Variants in SUSD4 observed in about 807,000 individuals in gnomAD.
SUSD4 encodes sushi domain containing 4.
SUSD4 carries 41 observed loss-of-function variants against 50.5 expected under a neutral mutation model. The ratio of observed to expected loss-of-function variants is 0.81; its 90% CI spans 0.63 to 1.05. The LOEUF is 1.05. SUSD4 is among the 50% of genes least tolerant of loss of function. The pLI is 0.00. For missense variants in SUSD4, 580 were observed against 634.7 expected (o/e 0.91, Z 0.93); for synonymous variants, 257 against 257.3 (o/e 1.00, Z 0.01).
chr1:223,233,492 A>G (rs1029946073), intron 5 of SUSD4, among the ~76,000 whole-genome samples: 1 of 152,170 alleles, frequency 6.6e-6, no homozygotes, highest in African/African-American at 2.4e-5. Flanking sequence ...TCGACTGAGT[A>G]CTGCTACTGT....
At chr1:223,339,818 C>T (rs552042095) in intron 2 of SUSD4, among the ~76,000 whole-genome samples, 1 of 152,192 alleles carries the variant, frequency 6.6e-6, no homozygotes, top group African/African-American at 2.4e-5. Context: ...GAAGGCTGGG[C>T]CCCGGCTCCC....
At position 223,227,792 on chromosome 1, in the gene SUSD4, C is replaced by T. The variant is rs1239668147; in HGVS notation, c.917-54G>A. The stretch of plus-strand genomic sequence containing the variant: ...GAGGCTCCCAGACCATGAGAGGTGC[C>T]GAGGTTCCCCGTGGGCTCATTTGCT... On this transcript the variant is annotated intron_variant, in intron 6 of 8. Coordinates refer to ENST00000366878, the MANE Select transcript of SUSD4 (RefSeq NM_017982.4). The surrounding 1 kb of genome is among the most constrained non-coding windows in gnomAD (Gnocchi z 4.5). 24 of 1,541,934 alleles carry T rather than the reference C, an allele frequency of 1.6e-5. No homozygotes were observed. Among genetic ancestry groups the T allele is most frequent in the Non-Finnish European group, 2.1e-5 (24 of 1,136,136 alleles).
At chr1:223,353,479 T>C (rs965177399) in intron 2 of SUSD4, among the ~76,000 whole-genome samples, 1 of 152,188 alleles carries the variant, frequency 6.6e-6, no homozygotes, top group Admixed American at 6.5e-5. Flanking sequence ...ACAAGTCTTA[T>C]GGCCCCTGAT....
chr1:223,352,077 C>T (rs576975209), intron 2 of SUSD4, among the ~76,000 whole-genome samples: 77 of 152,290 alleles, frequency 5.1e-4, no homozygotes, highest in African/African-American at 1.8e-3. Flanking sequence ...ATTAAAGCCC[C>T]TGTTAACCAC....
chr1:223,238,081 T>G (rs1660339598), intron 5 of SUSD4, among the ~76,000 whole-genome samples: 1 of 152,024 alleles, frequency 6.6e-6, no homozygotes. Flanking sequence ...TGGCAGATTG[T>G]GTCTTTCAAG....
In SUSD4 at chr1:223,227,454, A is replaced by G; in HGVS notation, c.1061+140T>C. On this transcript the variant is annotated intron_variant, in intron 7 of 8. Coordinates refer to ENST00000366878, the MANE Select transcript of SUSD4 (RefSeq NM_017982.4). This position sits in a 1 kb window ranked among gnomAD's most constrained non-coding sequence, Gnocchi z 4.5. ...GTCTGTCTCCAGCTTTGTGCTCAAAACATCCCAGAACATTGTTTTTGCTCT... is the reference window on the plus strand; with the variant it reads ...GTCTGTCTCCAGCTTTGTGCTCAAAGCATCCCAGAACATTGTTTTTGCTCT... 1 of 1,188,796 alleles carries G rather than the reference A, an allele frequency of 8.4e-7. No individual in the cohort carries two copies. Among genetic ancestry groups the G allele is most frequent in the Non-Finnish European group, 1.2e-6 (1 of 861,892 alleles). 73.6% of individuals were successfully genotyped at this position (1,188,796 alleles called of 1,614,324 possible).
rs1284428558 is a variant in SUSD4, at chr1:223,328,632, G to A, written c.148+34646C>T. 3.9e-5 allele frequency among the ~76,000 whole-genome samples: 6 copies of A among 152,238 alleles called. No homozygotes were observed. In the East Asian group the frequency reaches 7.7e-4, roughly 20 times the overall value. On this transcript the variant is annotated intron_variant, in intron 2 of 8. Coordinates refer to ENST00000366878, the MANE Select transcript of SUSD4 (RefSeq NM_017982.4). ...CTGTTGCCTCTGCCGCTCATCAAGC[G>A]CCTCCCAAGCCTCTCATTATTTCCC...
At chr1:223,334,881 T>C (rs948719490) in intron 2 of SUSD4, among the ~76,000 whole-genome samples, 6 of 152,120 alleles carry the variant, frequency 3.9e-5, no homozygotes, top group Non-Finnish European at 7.4e-5. Context: ...GTCCTACCCT[T>C]TCCCCCTGGG....
In SUSD4 at chr1:223,264,656, C is replaced by T. The variant is rs950934728; in HGVS notation, c.698G>A (p.Ser233Asn). 2.6e-5 allele frequency: 42 copies of T among 1,614,052 alleles called. No homozygotes were observed. The highest frequency in any genetic ancestry group is 3.4e-5 in the Non-Finnish European group (40 of 1,180,026). Reference sequence around the variant, plus strand: ...TTCCAGAGCAAGGCACCGGGGTGGGCTGGACGACCAGATAAGGTTTTGTAA... The same window carrying T: ...TTCCAGAGCAAGGCACCGGGGTGGGTTGGACGACCAGATAAGGTTTTGTAA... ...ECLQNLIWSS[S>N]PPRCLALEVC... is the part of the protein sequence containing the mutation. The change falls in exon 5 of 9, where the codon AGC becomes AAC. Residue 233 changes from serine (S) to asparagine (N), a missense_variant. Coordinates refer to ENST00000366878, the MANE Select transcript of SUSD4 (RefSeq NM_017982.4).
chr1:223,362,192 A>C (rs765896648), intron 2 of SUSD4, among the ~76,000 whole-genome samples: 3 of 152,158 alleles, frequency 2.0e-5, no homozygotes, highest in Non-Finnish European at 4.4e-5. Flanking sequence ...GTTATTGATT[A>C]CTCTGTGTTA....
At chr1:223,324,315 T>C (rs1572062732) in intron 2 of SUSD4, among the ~76,000 whole-genome samples, 1 of 150,006 alleles carries the variant, frequency 6.7e-6, no homozygotes, top group South Asian at 2.1e-4. Flanking sequence ...AAAGGCAGAG[T>C]GTCTTGGGGC....
In SUSD4 at chr1:223,224,862, C is replaced by CTTCTTTTTTTTT. The variant is rs1239409764; in HGVS notation, c.1062-1232_1062-1231insAAAAAAAAAGAA. ...GTAGCCAATAGAACTTGGTTTCTTC[C>CTTCTTTTTTTTT]TTTTTTTTTTTTTTTTTTTTTTTTT... On this transcript the variant is annotated intron_variant, in intron 7 of 8. Coordinates refer to ENST00000366878, the MANE Select transcript of SUSD4 (RefSeq NM_017982.4). Among the ~76,000 whole-genome samples the CTTCTTTTTTTTT allele has an allele frequency of 2.3e-3, 136 of 59,298 alleles. 6 individuals are homozygous for CTTCTTTTTTTTT. The highest frequency in any genetic ancestry group is 9.0e-3 in the African/African-American group (126 of 13,934). 38.9% of individuals were successfully genotyped at this position (59,298 alleles called of 152,430 possible).
At chr1:223,232,794 C>A (rs1659980783) in intron 5 of SUSD4, among the ~76,000 whole-genome samples, 2 of 152,182 alleles carry the variant, frequency 1.3e-5, no homozygotes, top group Non-Finnish European at 2.9e-5. Context: ...AACCTCAGCT[C>A]TACCACTGAT....
At position 223,241,701 on chromosome 1, in the gene SUSD4, A is replaced by G. The variant is rs568185860; in HGVS notation, c.725-12313T>C. On this transcript the variant is annotated intron_variant, in intron 5 of 8. Transcript: ENST00000366878. The stretch of plus-strand genomic sequence containing the variant: ...TTTTCAAGGGGTTACTGAAGTTTTT[A>G]GACCAGCGATGGTTGTGGACAAGCA... 7.4e-3 allele frequency among the ~76,000 whole-genome samples: 1,135 copies of G among 152,354 alleles called. 6 individuals carry two copies. The highest frequency in any genetic ancestry group is 0.013 in the Non-Finnish European group (868 of 68,036).
chr1:223,280,794 G>T (rs1048496546), intron 3 of SUSD4, among the ~76,000 whole-genome samples: 1 of 152,046 alleles, frequency 6.6e-6, no homozygotes, highest in East Asian at 1.9e-4. Flanking sequence ...ATTCTTTTCA[G>T]CACCACATCG....
At chr1:223,300,493 A>G (rs188032842) in intron 2 of SUSD4, among the ~76,000 whole-genome samples, 2 of 152,332 alleles carry the variant, frequency 1.3e-5, no homozygotes, top group East Asian at 3.9e-4. Flanking sequence ...AAGAATCATA[A>G]AAATGAAAGA....
chr1:223,270,985 C>T (rs1251899263), intron 3 of SUSD4, among the ~76,000 whole-genome samples: 1 of 151,912 alleles, frequency 6.6e-6, no homozygotes, highest in Admixed American at 6.6e-5. Flanking sequence ...ATTGACAATT[C>T]TTTGCACACT....
intron 5 of SUSD4, among the ~76,000 whole-genome samples, chr1:223,241,131 C>T (rs1035940248): frequency 6.6e-6 from 1 of 152,152 alleles, no homozygotes; most frequent in East Asian, 1.9e-4. Flanking sequence ...TGATAATACC[C>T]CAGCAGTTTT....
intron 2 of SUSD4, among the ~76,000 whole-genome samples, chr1:223,347,519 A>G (rs17539583): frequency 0.19 from 28,273 of 151,830 alleles, 3,172 homozygotes; most frequent in Non-Finnish European, 0.26. Context: ...ATGATTGTAG[A>G]TGACAGAATC....
Sources: gnomAD v4.1 joint callset for allele counts (sites outside exome capture counted in the v4.1 genomes callset) on GRCh38, gnomAD v4.1.1 for gene constraint, Gnocchi (gnomAD v3.1) non-coding constraint, MANE v1.5 for transcripts, NCBI Gene and HGNC (gene_info 2026-07-23, HGNC 2026-07-21) for gene names.